Variants in PTGFR observed in about 807,000 individuals in gnomAD.
PTGFR encodes prostaglandin F receptor.
PTGFR carries 15 observed loss-of-function variants against 26.2 expected under a neutral mutation model. The ratio of observed to expected loss-of-function variants is 0.57; its 90% CI spans 0.38 to 0.88. PTGFR has a LOEUF of 0.88. Ranked by LOEUF, PTGFR falls within the 40% of genes least tolerant of loss-of-function variation. The pLI is 0.00. For synonymous variants in PTGFR, 165 were observed against 151.1 expected, an observed-to-expected ratio of 1.09 and a Z score of -0.68; for missense variants, 369 against 427.2, an observed-to-expected ratio of 0.86 and a Z score of 1.20.
chr1:78,496,830 T>G (rs932604389), intron 2 of PTGFR, among the ~76,000 whole-genome samples: 1 of 152,164 alleles, frequency 6.6e-6, no homozygotes, highest in Non-Finnish European at 1.5e-5. Context: ...CTGAGTAGTT[T>G]TGGGTCTATA....
rs1650712427 is a variant in PTGFR, at chr1:78,538,505, T to A, written c.*1818T>A. The A allele has an allele frequency of 6.6e-6, 1 of 151,094 alleles. No homozygotes were observed. The highest frequency in any genetic ancestry group is 2.4e-5 in the African/African-American group (1 of 41,054). 9.4% of individuals were successfully genotyped at this position (151,094 alleles called of 1,614,324 possible). A position where few individuals can be genotyped will look rare whatever the true frequency, so the allele number is the denominator to read the frequency against. The stretch of plus-strand genomic sequence containing the variant: ...AACCAAATTGGTCTTAAAAATGATG[T>A]TAACCCAAGAAGTAGACATCAAAAA... On this transcript the variant is annotated 3_prime_UTR_variant, in exon 3 of 3. Coordinates refer to ENST00000370757, the MANE Select transcript of PTGFR (RefSeq NM_000959.4).
chr1:78,538,883 A>G lies in PTGFR; in HGVS notation c.*2196A>G, dbSNP rs1650724348. 6.6e-6 allele frequency: 1 copy of G among 152,070 alleles called. No individual in the cohort carries two copies. Among genetic ancestry groups the G allele is most frequent in the Admixed American group, 6.6e-5 (1 of 15,248 alleles). 9.4% of individuals were successfully genotyped at this position (152,070 alleles called of 1,614,324 possible). ...TCAGAATTACTGAATTTCCTTTTGA[A>G]CTGGGTAAGGCATTATCCAAGCAAC... is the stretch of plus-strand genomic sequence containing the variant. On this transcript the variant is annotated 3_prime_UTR_variant, in exon 3 of 3. Transcript: ENST00000370757.
chr1:78,493,115 T>G lies in PTGFR; in HGVS notation c.372T>G (p.Leu124=), dbSNP rs2100344720. The G allele has an allele frequency of 1.2e-6, 2 of 1,614,226 alleles. No individual in the cohort carries two copies. Among genetic ancestry groups the G allele is most frequent in the East Asian group, 4.5e-5 (2 of 44,888 alleles). ...TGTTTTCTGGTCTGTGCCCACTTCTTCTAGGCAGTGTGATGGCCATTGAGC... is the reference window on the plus strand; with the variant it reads ...TGTTTTCTGGTCTGTGCCCACTTCTGCTAGGCAGTGTGATGGCCATTGAGC... The part of the protein sequence containing the change: ...CMVFSGLCPL[L]LGSVMAIERC... The change falls in exon 2 of 3, where the codon CTT becomes CTG. Residue 124 remains leucine, a synonymous_variant. Transcript: ENST00000370757.
intron 2 of PTGFR, among the ~76,000 whole-genome samples, chr1:78,507,274 C>T (rs1649848747): frequency 6.6e-6 from 1 of 152,004 alleles, no homozygotes; most frequent in African/African-American, 2.4e-5. Flanking sequence ...ATCCTTTTTC[C>T]CAGAGAATAA....
At chr1:78,528,486 A>C (rs1251251803) in intron 2 of PTGFR, among the ~76,000 whole-genome samples, 1 of 151,988 alleles carries the variant, frequency 6.6e-6, no homozygotes, top group African/African-American at 2.4e-5. Flanking sequence ...AACTAGACTC[A>C]TATTATGCTT....
chr1:78,498,708 A>G (rs1023576462), intron 2 of PTGFR, among the ~76,000 whole-genome samples: 3 of 152,096 alleles, frequency 2.0e-5, no homozygotes, highest in African/African-American at 7.2e-5. Flanking sequence ...ACAAACAAAC[A>G]CACAAACAAA....
chr1:78,494,577 A>G (rs1649497453), intron 2 of PTGFR, among the ~76,000 whole-genome samples: 1 of 152,130 alleles, frequency 6.6e-6, no homozygotes, highest in Non-Finnish European at 1.5e-5. Context: ...CTCATTGCCC[A>G]AGAATTGTTG....
Position 78,493,301 on chromosome 1 carries a change from T to C in PTGFR, c.558T>C (p.Cys186=). 6.2e-7 allele frequency: 1 copy of C among 1,614,186 alleles called. No homozygotes were observed. Among genetic ancestry groups the C allele is most frequent in the Non-Finnish European group, 8.5e-7 (1 of 1,180,034 alleles). Residue 186 remains cysteine, a synonymous_variant, in exon 2 of 3, where the codon TGT becomes TGC. Transcript: ENST00000370757. ...AAATTCAGGCGTCGAGGACCTGGTG[T>C]TTCTACAACACAGAAGACATCAAAG... ...DYKIQASRTW[C]FYNTEDIKDW... is the part of the protein sequence containing the mutation.
intron 2 of PTGFR, chr1:78,532,289 T>C: frequency 2.8e-6 from 1 of 354,348 alleles, no homozygotes; most frequent in Non-Finnish European, 5.5e-6. Context: ...ATCAAACAAC[T>C]TATACATGGG....
chr1:78,533,392 T>C (rs1650568368), intron 2 of PTGFR, among the ~76,000 whole-genome samples: 1 of 152,142 alleles, frequency 6.6e-6, no homozygotes, highest in African/African-American at 2.4e-5. Flanking sequence ...TGTATGGAAG[T>C]CTGGACTAGA....
intron 2 of PTGFR, among the ~76,000 whole-genome samples, chr1:78,534,253 A>G (rs1650591806): frequency 6.6e-6 from 1 of 152,198 alleles, no homozygotes; most frequent in Admixed American, 6.6e-5. Context: ...TGGGCTAGAC[A>G]GAGAATAATG....
At chr1:78,524,214 C>A (rs1286871559) in intron 2 of PTGFR, among the ~76,000 whole-genome samples, 2 of 152,018 alleles carry the variant, frequency 1.3e-5, no homozygotes, top group Non-Finnish European at 2.9e-5. Flanking sequence ...AAACCCCCAT[C>A]CCTTCCACAC....
chr1:78,528,702 AATAG>A (rs1303182167), intron 2 of PTGFR, among the ~76,000 whole-genome samples: 3 of 152,150 alleles, frequency 2.0e-5, no homozygotes, highest in Non-Finnish European at 4.4e-5. Context: ...CATCAAATAA[AATAG>A]ATAGATGCCG....
chr1:78,491,390 TAGAG>T (rs1317546001), intron 1 of PTGFR, among the ~76,000 whole-genome samples, 154 bp downstream of exon 1: 1 of 152,132 alleles, frequency 6.6e-6, no homozygotes, highest in African/African-American at 2.4e-5. Flanking sequence ...GGGAGACGCA[TAGAG>T]AAAGAAGGGT....
chr1:78,513,557 G>A (rs947748528), intron 2 of PTGFR, among the ~76,000 whole-genome samples: 3 of 152,196 alleles, frequency 2.0e-5, no homozygotes, highest in Admixed American at 6.5e-5. Context: ...ATGACTTAAT[G>A]CTGGAACTTA....
In PTGFR at chr1:78,537,669, CAT is replaced by C. The variant is rs1450563548; in HGVS notation, c.*986_*987del. 2 of 152,114 alleles carry C rather than the reference CAT, an allele frequency of 1.3e-5. No homozygotes were observed. Among genetic ancestry groups the C allele is most frequent in the African/African-American group, 4.8e-5 (2 of 41,442 alleles). The allele number at this position is 152,114 out of a possible 1,614,324, so 9.4% of individuals were successfully genotyped here. A position where few individuals can be genotyped will look rare whatever the true frequency, so the allele number is the denominator to read the frequency against. ...AGCTAGTGTGTTTCTTCTTTACACA[CAT>C]ATACACACAGACATCAGAAAATTCT... On this transcript the variant is annotated 3_prime_UTR_variant, in exon 3 of 3. Coordinates refer to ENST00000370757, the MANE Select transcript of PTGFR (RefSeq NM_000959.4).
At chr1:78,500,434 T>G (rs1649674901) in intron 2 of PTGFR, among the ~76,000 whole-genome samples, 1 of 152,242 alleles carries the variant, frequency 6.6e-6, no homozygotes, top group Non-Finnish European at 1.5e-5. Context: ...ATTGTGTCCC[T>G]GTCTCTTGGG....
chr1:78,540,293 G>A lies in PTGFR; in HGVS notation c.*3606G>A, dbSNP rs540174762. The stretch of plus-strand genomic sequence containing the variant: ...TGTGGCTTTACTAACTTCCCAGGGG[G>A]CAGCTAAGTGCAATACTATATGTTA... On this transcript the variant is annotated 3_prime_UTR_variant, in exon 3 of 3. Transcript: ENST00000370757. Among the ~76,000 whole-genome samples, 5 of 152,170 alleles carry A rather than the reference G, an allele frequency of 3.3e-5. No homozygotes were observed. In the South Asian group the frequency reaches 1.0e-3, roughly 32 times the overall value.
intron 2 of PTGFR, among the ~76,000 whole-genome samples, chr1:78,531,654 T>A (rs748424284): frequency 3.9e-5 from 6 of 152,084 alleles, no homozygotes; most frequent in Non-Finnish European, 7.4e-5. Context: ...TTAATTAATT[T>A]ATTTTTTTAC....
Sources: gnomAD v4.1 joint callset for allele counts (sites outside exome capture counted in the v4.1 genomes callset) on GRCh38, gnomAD v4.1.1 for gene constraint, MANE v1.5 for transcripts, NCBI Gene and HGNC (gene_info 2026-07-23, HGNC 2026-07-21) for gene names.